Variants in CACNG8 observed in about 807,000 individuals in gnomAD.
CACNG8 encodes calcium voltage-gated channel auxiliary subunit gamma 8.
CACNG8 carries 5 observed loss-of-function variants against 26.9 expected under a neutral mutation model. The observed-to-expected ratio is 0.19, with a 90% CI of 0.10 to 0.39. CACNG8 has a LOEUF of 0.39. Among genes scored for constraint, CACNG8 ranks in the 10% least tolerant of loss-of-function variants. CACNG8 has a pLI of 1.00. For missense variants in CACNG8, 473 were observed against 609.4 expected, an observed-to-expected ratio of 0.78 and a Z score of 2.36; for synonymous variants, 321 against 296.7, an observed-to-expected ratio of 1.08 and a Z score of -0.84.
chr19:53,967,589 C>T (rs943451682), intron 1 of CACNG8, among the ~76,000 whole-genome samples: 4 of 152,214 alleles, frequency 2.6e-5, no homozygotes, highest in African/African-American at 7.2e-5. Context: ...AATCCCAGCA[C>T]TTTGGGAGGC....
intron 1 of CACNG8, among the ~76,000 whole-genome samples, chr19:53,977,493 A>T (rs1360201583): frequency 6.6e-6 from 1 of 151,890 alleles, no homozygotes; most frequent in Non-Finnish European, 1.5e-5. Flanking sequence ...CTAGAGGCAT[A>T]CTCCACCCCT....
Position 53,985,751 on chromosome 19 carries a change from G to A in CACNG8, c.*2902G>A, listed in dbSNP as rs1459410334. ...CAGGAGGCTGAGGTGAAAGGATCTC[G>A]CTTGGGCCTGGGAGGGTGAGGCTGC... On this transcript the variant is annotated 3_prime_UTR_variant, in exon 4 of 4. Transcript: ENST00000270458. 1.3e-5 allele frequency: 2 copies of A among 151,844 alleles called. No homozygotes were observed. Among genetic ancestry groups the A allele is most frequent in the Non-Finnish European group, 2.9e-5 (2 of 68,042 alleles). 9.4% of individuals were successfully genotyped at this position (151,844 alleles called of 1,614,324 possible).
rs1203078910 is a variant in CACNG8 at position 53,984,394 on chromosome 19, C to G, written c.*1545C>G. On this transcript the variant is annotated 3_prime_UTR_variant, in exon 4 of 4. Coordinates refer to ENST00000270458, the MANE Select transcript of CACNG8 (RefSeq NM_031895.6). ...CGTGGCACACGGTGGACAGAGTGAC[C>G]AACTGCCAGGAGTGAGCAGCACTTG... The G allele has an allele frequency of 6.6e-6, 1 of 152,254 alleles. No individual in the cohort carries two copies. The highest frequency in any genetic ancestry group is 1.5e-5 in the Non-Finnish European group (1 of 68,062). 9.4% of individuals were successfully genotyped at this position (152,254 alleles called of 1,614,324 possible).
Position 53,979,868 on chromosome 19 carries a change from A to G in CACNG8, c.369A>G (p.Arg123=), listed in dbSNP as rs1349061313. 6.3e-7 allele frequency: 1 copy of G among 1,598,746 alleles called. No homozygotes were observed. Among genetic ancestry groups the G allele is most frequent in the Non-Finnish European group, 8.5e-7 (1 of 1,171,374 alleles). The change falls in exon 3 of 4, where the codon CGA becomes CGG. Residue 123 remains arginine, a splice_region_variant and synonymous_variant. Transcript: ENST00000270458. ...TTTCCTTTCCTTCCTCCCCCGCAGG[A>G]GTTGTCCGGGCCTCCAGCATCTTCC...
intron 1 of CACNG8, among the ~76,000 whole-genome samples, chr19:53,971,876 G>T (rs1208918250): frequency 6.6e-6 from 1 of 152,186 alleles, no homozygotes; most frequent in South Asian, 2.1e-4. Context: ...CCGGGTCTGC[G>T]CTAGGCAGCC....
Position 53,963,318 on chromosome 19 carries a change from CCGG to C in CACNG8, c.182_184del (p.Gly61del). On this transcript the variant is annotated inframe_deletion, in exon 1 of 4. Transcript: ENST00000270458. ...ATCTGCAACACCACCAACCTCACGG[CCGG>C]CGGCGACGACGGGACCCCCCACCGC... 6.2e-7 allele frequency: 1 copy of C among 1,604,090 alleles called. No homozygotes were observed. Among genetic ancestry groups the C allele is most frequent in the Non-Finnish European group, 8.5e-7 (1 of 1,178,326 alleles).
At chr19:53,968,017 C>G (rs1011264841) in intron 1 of CACNG8, among the ~76,000 whole-genome samples, 4 of 152,042 alleles carry the variant, frequency 2.6e-5, no homozygotes, top group Admixed American at 1.3e-4. Flanking sequence ...AGGCCAGAGG[C>G]TGGGCTGGAG....
In CACNG8 at chr19:53,978,136, G is replaced by T. The variant is rs767703905; in HGVS notation, c.284-10G>T. On this transcript the variant is annotated splice_polypyrimidine_tract_variant and intron_variant, in intron 1 of 3. Transcript: ENST00000270458. Reference sequence around the variant, plus strand: ...ATCCGCCCCCACCACTGCCCTCCCCGCTCCTCCAGGGTTGAAAAGAGGCGT... The same window carrying T: ...ATCCGCCCCCACCACTGCCCTCCCCTCTCCTCCAGGGTTGAAAAGAGGCGT... 19 of 1,362,958 alleles carry T rather than the reference G, an allele frequency of 1.4e-5. No individual in the cohort carries two copies. Among genetic ancestry groups the T allele is most frequent in the Non-Finnish European group, 1.7e-5 (17 of 995,086 alleles). 84.4% of individuals were successfully genotyped at this position (1,362,958 alleles called of 1,614,324 possible).
At chr19:53,968,254 G>T (rs1390794357) in intron 1 of CACNG8, among the ~76,000 whole-genome samples, 1 of 151,692 alleles carries the variant, frequency 6.6e-6, no homozygotes, top group South Asian at 2.1e-4. Flanking sequence ...GCGTGCCTGT[G>T]GTCCCAGCTA....
At chr19:53,965,237 A>G (rs1007829661) in intron 1 of CACNG8, among the ~76,000 whole-genome samples, 33 of 152,318 alleles carry the variant, frequency 2.2e-4, no homozygotes, top group Non-Finnish European at 2.9e-5. Context: ...AGTTAAAAAT[A>G]GGGAGGCTTC....
chr19:53,978,296 G>A (rs2145939371), intron 2 of CACNG8, 67 bp downstream of exon 2: 1 of 1,337,276 alleles, frequency 7.5e-7, no homozygotes, highest in Non-Finnish European at 1.1e-6. Context: ...GCGTCGGGGT[G>A]GGTGCCGGGA....
intron 3 of CACNG8, 102 bp downstream of exon 3, chr19:53,980,109 T>C: frequency 8.0e-7 from 1 of 1,252,498 alleles, no homozygotes; most frequent in South Asian, 1.7e-5. Flanking sequence ...TGAGTGCAAG[T>C]GCGCGTTCGT....
intron 1 of CACNG8, 134 bp from the exon 2 acceptor site, chr19:53,978,012 C>A: frequency 3.2e-6 from 2 of 620,342 alleles, no homozygotes; most frequent in East Asian, 2.8e-5. Flanking sequence ...GGCTCAGGAG[C>A]CAGGACTTGC....
chr19:53,981,355 G>A (rs2069367020), intron 3 of CACNG8, among the ~76,000 whole-genome samples: 1 of 152,052 alleles, frequency 6.6e-6, no homozygotes, highest in Admixed American at 6.5e-5. Context: ...GGCAGGGCCT[G>A]GACTCGCTGG....
At chr19:53,977,046 G>A (rs777085190) in intron 1 of CACNG8, among the ~76,000 whole-genome samples, 3 of 152,144 alleles carry the variant, frequency 2.0e-5, no homozygotes, top group East Asian at 1.9e-4. Flanking sequence ...CAGAGGAATC[G>A]GACTCCCATG....
intron 2 of CACNG8, 69 bp downstream of exon 2, chr19:53,978,298 G>A: frequency 7.6e-7 from 1 of 1,323,306 alleles, no homozygotes; most frequent in South Asian, 1.2e-5. Flanking sequence ...GTCGGGGTGG[G>A]TGCCGGGAAA....
At chr19:53,969,424 T>C (rs1339930848) in intron 1 of CACNG8, among the ~76,000 whole-genome samples, 1 of 148,800 alleles carries the variant, frequency 6.7e-6, no homozygotes, top group East Asian at 1.9e-4. Flanking sequence ...CTGATTTGTT[T>C]ACTTTTTTTT....
chr19:53,967,073 T>C (rs1002656465), intron 1 of CACNG8, among the ~76,000 whole-genome samples: 2 of 152,120 alleles, frequency 1.3e-5, no homozygotes, highest in South Asian at 2.1e-4. Flanking sequence ...CTATGCATTG[T>C]AGGATGCTGA....
chr19:53,968,821 TGGA>T (rs1322536473), intron 1 of CACNG8, among the ~76,000 whole-genome samples: 1 of 88,114 alleles, frequency 1.1e-5, no homozygotes, highest in Non-Finnish European at 2.3e-5. Context: ...ACCAAAGGAG[TGGA>T]GAAAGGAGTG....
Sources: allele counts gnomAD v4.1 joint callset (sites outside exome capture counted in the v4.1 genomes callset), GRCh38; gene constraint gnomAD v4.1.1; transcripts MANE v1.5; gene names NCBI Gene and HGNC (gene_info 2026-07-23, HGNC 2026-07-21).